The following RARA variants were observed in gnomAD, a reference collection of about 807,000 sequenced individuals.
RARA encodes PML-DDX5-RARA fusion.
RARA carries 5 observed loss-of-function variants against 42.8 expected under a neutral mutation model. The observed-to-expected ratio is 0.12, with a 90% CI of 0.06 to 0.25. The LOEUF (loss-of-function observed/expected upper bound fraction) is 0.25, where lower values mean the gene tolerates loss of function less well. RARA is among the 10% of genes least tolerant of loss of function. The pLI, the probability that RARA is intolerant of heterozygous loss-of-function variation, is 1.00. For synonymous variants in RARA, 256 were observed against 259.5 expected (o/e 0.99, Z 0.13); for missense variants, 402 against 628.7 (o/e 0.64, Z 3.86).
intron 2 of RARA, chr17:40,341,317 G>A: frequency 2.2e-6 from 3 of 1,388,600 alleles, no homozygotes; most frequent in Non-Finnish European, 2.8e-6. Flanking sequence ...GTGGGGAGGA[G>A]GGCCCCCTCT....
Position 40,345,806 on chromosome 17 carries a change from C to T in RARA, c.179-2510C>T, listed in dbSNP as rs922776356. On this transcript the variant is annotated intron_variant, in intron 2 of 8. Transcript: ENST00000254066. The surrounding 1 kb of genome is among the most constrained non-coding windows in gnomAD (Gnocchi z 4.8). Reference sequence around the variant, plus strand: ...ACCTGTGTGTGCAGGGAGTTATGGCCGTGTCCTAACTCTTGCAGAGGCTGT... The same window carrying T: ...ACCTGTGTGTGCAGGGAGTTATGGCTGTGTCCTAACTCTTGCAGAGGCTGT... 6.6e-6 allele frequency among the ~76,000 whole-genome samples: 1 copy of T among 152,210 alleles called. No homozygotes were observed. Among genetic ancestry groups the T allele is most frequent in the South Asian group, 2.1e-4 (1 of 4,838 alleles).
chr17:40,337,216 T>G (rs1320522692), intron 2 of RARA, among the ~76,000 whole-genome samples: 1 of 152,252 alleles, frequency 6.6e-6, no homozygotes, highest in African/African-American at 2.4e-5. Context: ...TGGGCTGTTT[T>G]CCACCATCTA....
At chr17:40,341,619 G>C in intron 2 of RARA, 1 of 1,351,686 alleles carries the variant, frequency 7.4e-7, no homozygotes, top group Non-Finnish European at 9.5e-7. Context: ...GGCAGCGGTG[G>C]GTGGGTCACT....
Position 40,354,644 on chromosome 17 carries a change from G to A in RARA, c.1012+138G>A. The A allele has an allele frequency of 9.6e-7, 1 of 1,038,204 alleles. No homozygotes were observed. Among genetic ancestry groups the A allele is most frequent in the Non-Finnish European group, 1.4e-6 (1 of 729,946 alleles). 64.3% of individuals were successfully genotyped at this position (1,038,204 alleles called of 1,614,324 possible). ...TCTGGTCTGCAACTACACAGCAAGGGGGCCATGTGGGGCCTGGACTCCTGT... is the reference window on the plus strand; with the variant it reads ...TCTGGTCTGCAACTACACAGCAAGGAGGCCATGTGGGGCCTGGACTCCTGT... On this transcript the variant is annotated intron_variant, in intron 7 of 8. Coordinates refer to ENST00000254066, the MANE Select transcript of RARA (RefSeq NM_000964.4). The surrounding 1 kb of genome is among the most constrained non-coding windows in gnomAD (Gnocchi z 4.5).
At chr17:40,310,693 CTA>C (rs1215982568) in intron 1 of RARA, among the ~76,000 whole-genome samples, 1 of 152,132 alleles carries the variant, frequency 6.6e-6, no homozygotes, top group Non-Finnish European at 1.5e-5. Flanking sequence ...GGTTACTTAA[CTA>C]TATGTGTTTA....
At chr17:40,315,304 C>A (rs2033189870) in intron 1 of RARA, among the ~76,000 whole-genome samples, 1 of 151,520 alleles carries the variant, frequency 6.6e-6, no homozygotes, top group African/African-American at 2.4e-5. Flanking sequence ...TCTTGGCCTC[C>A]CAAAGTGCTA....
Position 40,356,335 on chromosome 17 carries a change from C to T in RARA, c.*109C>T. Reference sequence around the variant, plus strand: ...CCCTGCCCCCACCTGCCCTCCCGGGCAGTACTGGGGACCTTCCCTGGGGGA... The same window carrying T: ...CCCTGCCCCCACCTGCCCTCCCGGGTAGTACTGGGGACCTTCCCTGGGGGA... On this transcript the variant is annotated 3_prime_UTR_variant, in exon 9 of 9. Coordinates refer to ENST00000254066, the MANE Select transcript of RARA (RefSeq NM_000964.4). The T allele has an allele frequency of 8.1e-7, 1 of 1,240,722 alleles. No individual in the cohort carries two copies. Among genetic ancestry groups the T allele is most frequent in the Non-Finnish European group, 1.1e-6 (1 of 874,672 alleles). 76.9% of individuals were successfully genotyped at this position (1,240,722 alleles called of 1,614,324 possible).
At position 40,357,581 on chromosome 17, in the gene RARA, C is replaced by T. The variant is rs888227881; in HGVS notation, c.*1355C>T. ...CCTTCCCCTGGAGCCCGTGGGTGCA[C>T]CTGTTACTGTTGGGCTTTCCACTGA... is the stretch of plus-strand genomic sequence containing the variant. On this transcript the variant is annotated 3_prime_UTR_variant, in exon 9 of 9. Transcript: ENST00000254066. The T allele has an allele frequency of 3.0e-5, 7 of 232,236 alleles. No homozygotes were observed. Among genetic ancestry groups the T allele is most frequent in the Non-Finnish European group, 5.1e-5 (6 of 117,508 alleles). The allele number at this position is 232,236 out of a possible 1,614,324, so 14.4% of individuals were successfully genotyped here.
intron 2 of RARA, among the ~76,000 whole-genome samples, chr17:40,333,479 C>T (rs1294442179): frequency 6.6e-6 from 1 of 151,730 alleles, no homozygotes; most frequent in African/African-American, 2.4e-5. Flanking sequence ...ATTACAGGTG[C>T]GTGTCACCAC....
intron 2 of RARA, chr17:40,341,242 C>A: frequency 1.8e-6 from 2 of 1,081,804 alleles, no homozygotes; most frequent in Non-Finnish European, 2.5e-6. Flanking sequence ...CACCAGGGGC[C>A]GGTACTGGTT....
intron 2 of RARA, chr17:40,342,951 C>T (rs1167725376): frequency 3.3e-6 from 5 of 1,524,776 alleles, no homozygotes; most frequent in Non-Finnish European, 4.4e-6. Context: ...GTGAGAGTCC[C>T]GGGGTGTAGT....
rs2143280772 is a variant in RARA, at chr17:40,331,483, CTG to C, written c.178+90_178+91del. ...TTGGGCTCTGGGCACGTCTGTTCTG[CTG>C]TGAGTGGAAGGCACGGTGAGCGACA... is the stretch of plus-strand genomic sequence containing the variant. On this transcript the variant is annotated intron_variant, in intron 2 of 8. Coordinates refer to ENST00000254066, the MANE Select transcript of RARA (RefSeq NM_000964.4). The C allele has an allele frequency of 3.5e-6, 5 of 1,432,470 alleles. No individual in the cohort carries two copies. The East Asian group carries it at 1.3e-4, about 36-fold the overall frequency. 88.7% of individuals were successfully genotyped at this position (1,432,470 alleles called of 1,614,324 possible). A position where few individuals can be genotyped will look rare whatever the true frequency, so the allele number is the denominator to read the frequency against.
In RARA at chr17:40,345,980, C is replaced by G. The variant is rs947342330; in HGVS notation, c.179-2336C>G. Reference sequence around the variant, plus strand: ...CCTCAGAGCTGGGTTACCTGGGTGACAGGTGGGGATGTGCTGGAGGTAGGG... The same window carrying G: ...CCTCAGAGCTGGGTTACCTGGGTGAGAGGTGGGGATGTGCTGGAGGTAGGG... On this transcript the variant is annotated intron_variant, in intron 2 of 8. Coordinates refer to ENST00000254066, the MANE Select transcript of RARA (RefSeq NM_000964.4). This position sits in a 1 kb window ranked among gnomAD's most constrained non-coding sequence, Gnocchi z 4.8. Among the ~76,000 whole-genome samples the G allele has an allele frequency of 6.6e-6, 1 of 152,106 alleles. No individual in the cohort carries two copies. Among genetic ancestry groups the G allele is most frequent in the African/African-American group, 2.4e-5 (1 of 41,422 alleles).
At chr17:40,341,946 C>A (rs1487905398) in intron 2 of RARA, 29 of 1,142,876 alleles carry the variant, frequency 2.5e-5, no homozygotes, top group Non-Finnish European at 3.1e-5. Flanking sequence ...AGCCTTTCCC[C>A]CTTCCTGCTT....
intron 2 of RARA, among the ~76,000 whole-genome samples, chr17:40,333,664 TCTCA>T (rs1196939697): frequency 6.6e-6 from 1 of 150,698 alleles, no homozygotes; most frequent in Non-Finnish European, 1.5e-5. Context: ...TCTCATAGGG[TCTCA>T]CTCTGTCTCC....
At chr17:40,322,796 G>A (rs546883648) in intron 1 of RARA, among the ~76,000 whole-genome samples, 25 of 152,258 alleles carry the variant, frequency 1.6e-4, no homozygotes, top group African/African-American at 6.0e-4. Context: ...GTGACCCACT[G>A]TGCAGATCAA....
intron 2 of RARA, chr17:40,341,816 C>G: frequency 8.5e-7 from 1 of 1,181,004 alleles, no homozygotes. Context: ...CTTGGGGGAG[C>G]CTGGGAGCCG....
In RARA at chr17:40,356,395, GGCC is replaced by G. The variant is rs1192214145; in HGVS notation, c.*170_*172del. On this transcript the variant is annotated 3_prime_UTR_variant, in exon 9 of 9. Coordinates refer to ENST00000254066, the MANE Select transcript of RARA (RefSeq NM_000964.4). ...AGGAGGCAGCGACTCCTTGGACAGA[GGCC>G]TGGGCCCTCAGTGGACTGCCTGCTC... 1 of 811,502 alleles carries G rather than the reference GGCC, an allele frequency of 1.2e-6. No individual in the cohort carries two copies. Among genetic ancestry groups the G allele is most frequent in the Non-Finnish European group, 2.1e-6 (1 of 486,088 alleles). 50.3% of individuals were successfully genotyped at this position (811,502 alleles called of 1,614,324 possible). A position where few individuals can be genotyped will look rare whatever the true frequency, so the allele number is the denominator to read the frequency against.
chr17:40,332,288 G>T (rs1381620272), intron 2 of RARA, among the ~76,000 whole-genome samples: 1 of 152,154 alleles, frequency 6.6e-6, no homozygotes, highest in Non-Finnish European at 1.5e-5. Flanking sequence ...GGACGGGAGA[G>T]GGTGGAAGCA....
Sources: gnomAD v4.1 joint callset for allele counts (sites outside exome capture counted in the v4.1 genomes callset) on GRCh38, gnomAD v4.1.1 for gene constraint, Gnocchi (gnomAD v3.1) non-coding constraint, MANE v1.5 for transcripts, NCBI Gene and HGNC (gene_info 2026-07-23, HGNC 2026-07-21) for gene names.